The following ADGRB3 variants were observed in gnomAD, a reference collection of about 807,000 sequenced individuals.
ADGRB3 encodes brain-specific angiogenesis inhibitor 3.
Under a neutral mutation model 193.4 loss-of-function variants are expected in ADGRB3, and 37 were observed. The ratio of observed to expected loss-of-function variants is 0.19; its 90% CI spans 0.15 to 0.25. ADGRB3 has a LOEUF of 0.25. Ranked by LOEUF, ADGRB3 falls within the 10% of genes least tolerant of loss-of-function variation. The pLI, the probability that ADGRB3 is intolerant of heterozygous loss-of-function variation, is 1.00. For synonymous variants in ADGRB3, 690 were observed against 644.2 expected, an observed-to-expected ratio of 1.07 and a Z score of -1.08; for missense variants, 1,637 against 1,852.9, an observed-to-expected ratio of 0.88 and a Z score of 2.14.
intron 20 of ADGRB3, among the ~76,000 whole-genome samples, chr6:69,259,560 G>A (rs1426750661): frequency 1.3e-5 from 2 of 151,900 alleles, no homozygotes; most frequent in Non-Finnish European, 1.5e-5. Context: ...GCCGGGCTTG[G>A]TGGCGGGCAC....
chr6:69,115,610 T>G (rs576983612), intron 17 of ADGRB3, among the ~76,000 whole-genome samples: 5 of 152,094 alleles, frequency 3.3e-5, no homozygotes, highest in African/African-American at 4.8e-5. Context: ...ATAAATTAAA[T>G]AAAGAAAGAA....
chr6:69,305,256 C>T (rs1768040107), intron 20 of ADGRB3, among the ~76,000 whole-genome samples: 1 of 151,538 alleles, frequency 6.6e-6, no homozygotes, highest in African/African-American at 2.4e-5. Flanking sequence ...AGCAGATTTA[C>T]TTAACACAAA....
At chr6:69,043,310 A>AAGAAAGAAAGAAAGAAAGAAAGAAAG (rs1562134764) in intron 13 of ADGRB3, among the ~76,000 whole-genome samples, 17 of 150,624 alleles carry the variant, frequency 1.1e-4, no homozygotes, top group African/African-American at 4.2e-4. Flanking sequence ...GAAAGAAAGA[A>AAGAAAGAAAGAAAGAAAGAAAGAAAG]AGAAAGAAAG....
At chr6:68,682,371 A>G (rs985832592) in intron 3 of ADGRB3, among the ~76,000 whole-genome samples, 1 of 152,218 alleles carries the variant, frequency 6.6e-6, no homozygotes, top group African/African-American at 2.4e-5. Flanking sequence ...GATAACAATC[A>G]GGGTAGCCTG....
At chr6:68,866,976 T>C (rs1447466084) in intron 3 of ADGRB3, among the ~76,000 whole-genome samples, 2 of 152,176 alleles carry the variant, frequency 1.3e-5, no homozygotes, top group African/African-American at 2.4e-5. Context: ...AAGCAGAGTA[T>C]AAAAGTTTGA....
intron 3 of ADGRB3, among the ~76,000 whole-genome samples, chr6:68,807,272 A>G (rs1582217554): frequency 1.8e-5 from 2 of 112,822 alleles, no homozygotes; most frequent in African/African-American, 3.5e-5. Flanking sequence ...GAGTCTCGCT[A>G]TCGCCCAGGT....
At chr6:69,325,477 AATT>A (rs1741761716) in intron 21 of ADGRB3, among the ~76,000 whole-genome samples, 1 of 152,188 alleles carries the variant, frequency 6.6e-6, no homozygotes, top group Non-Finnish European at 1.5e-5. Context: ...CCATCTAGAG[AATT>A]AATGAAACCT....
chr6:68,856,779 T>C (rs1764997530), intron 3 of ADGRB3, among the ~76,000 whole-genome samples: 1 of 152,182 alleles, frequency 6.6e-6, no homozygotes, highest in Non-Finnish European at 1.5e-5. Flanking sequence ...TGAATGTTAA[T>C]CCCCAAAACA....
chr6:68,876,508 G>A (rs779578002), intron 3 of ADGRB3, among the ~76,000 whole-genome samples: 1 of 152,116 alleles, frequency 6.6e-6, no homozygotes. Flanking sequence ...ATATATAGTC[G>A]CAGCAAAAAG....
At chr6:69,309,186 A>T (rs748521087) in intron 20 of ADGRB3, among the ~76,000 whole-genome samples, 10 of 151,764 alleles carry the variant, frequency 6.6e-5, no homozygotes, top group Admixed American at 4.0e-4. Flanking sequence ...TTATTGGATA[A>T]AACCTACATG....
chr6:69,380,496 G>A (rs1049586391), intron 30 of ADGRB3, among the ~76,000 whole-genome samples: 38 of 151,830 alleles, frequency 2.5e-4, no homozygotes, highest in Admixed American at 2.4e-3. Flanking sequence ...TACTTGAAAA[G>A]GAAAGATCCC....
intron 30 of ADGRB3, among the ~76,000 whole-genome samples, chr6:69,375,719 A>G (rs1020301920): frequency 6.6e-6 from 1 of 152,124 alleles, no homozygotes; most frequent in Non-Finnish European, 1.5e-5. Flanking sequence ...AATAGATAAC[A>G]GTATCCATGC....
intron 3 of ADGRB3, among the ~76,000 whole-genome samples, chr6:68,688,056 G>A (rs1440817731): frequency 6.6e-6 from 1 of 152,128 alleles, no homozygotes; most frequent in Non-Finnish European, 1.5e-5. Context: ...AAAGGAGATT[G>A]AGTAACCTGT....
intron 29 of ADGRB3, among the ~76,000 whole-genome samples, chr6:69,363,089 T>C (rs1009225845): frequency 3.9e-5 from 6 of 152,016 alleles, no homozygotes; most frequent in African/African-American, 1.4e-4. Context: ...GGATTGATAT[T>C]GTACAGGTTA....
At chr6:68,913,447 C>T (rs888129252) in intron 3 of ADGRB3, among the ~76,000 whole-genome samples, 1 of 152,206 alleles carries the variant, frequency 6.6e-6, no homozygotes, top group Non-Finnish European at 1.5e-5. Flanking sequence ...TGGAGTGGAC[C>T]TCTAGCAAAC....
intron 3 of ADGRB3, among the ~76,000 whole-genome samples, chr6:68,881,759 C>T (rs1765740970): frequency 6.6e-6 from 1 of 152,104 alleles, no homozygotes; most frequent in East Asian, 1.9e-4. Context: ...TTTTAATCAG[C>T]TTTTTGAAAT....
chr6:68,965,183 T>C (rs1768343192), intron 8 of ADGRB3, among the ~76,000 whole-genome samples: 1 of 152,220 alleles, frequency 6.6e-6, no homozygotes, highest in South Asian at 2.1e-4. Context: ...TGAGACAGAT[T>C]AAAACCATTT....
chr6:69,180,796 C>T (rs189758519), intron 17 of ADGRB3, among the ~76,000 whole-genome samples: 84 of 152,310 alleles, frequency 5.5e-4, no homozygotes, highest in African/African-American at 1.9e-3. Flanking sequence ...CTCCAGAGTA[C>T]GTACTCCATT....
chr6:68,943,358 A>T (rs531646346), intron 5 of ADGRB3, among the ~76,000 whole-genome samples: 1 of 152,266 alleles, frequency 6.6e-6, no homozygotes, highest in African/African-American at 2.4e-5. Flanking sequence ...CAGATTTTTT[A>T]AAATTTTCTA....
Sources: gnomAD v4.1 joint callset for allele counts (sites outside exome capture counted in the v4.1 genomes callset) on GRCh38, gnomAD v4.1.1 for gene constraint, MANE v1.5 for transcripts, NCBI Gene and HGNC (gene_info 2026-07-23, HGNC 2026-07-21) for gene names.